SHTN1: variants seen among roughly 807,000 people sequenced by gnomAD.
SHTN1 encodes the protein shootin-1.
In SHTN1, 42 loss-of-function variants were observed where a neutral mutation model predicts 83.1. The ratio of observed to expected loss-of-function variants is 0.51; its 90% CI spans 0.39 to 0.65. The LOEUF is 0.65. SHTN1 is among the 30% of genes least tolerant of loss of function. The probability of loss-of-function intolerance (pLI) is 0.00; values close to 1 mark genes in which losing one functional copy is unlikely to be tolerated. For missense variants in SHTN1, 622 were observed against 737.8 expected, an observed-to-expected ratio of 0.84 and a Z score of 1.82; for synonymous variants, 224 against 247.7, an observed-to-expected ratio of 0.90 and a Z score of 0.90.
At chr10:117,091,733 T>C (rs1328063531) in intron 1 of SHTN1, among the ~76,000 whole-genome samples, 4 of 152,190 alleles carry the variant, frequency 2.6e-5, no homozygotes, top group Non-Finnish European at 5.9e-5. Context: ...TGGGAAAATA[T>C]GGTCCCTTGC....
chr10:117,121,200 T>C (rs532464206), intron 1 of SHTN1, among the ~76,000 whole-genome samples: 1 of 152,304 alleles, frequency 6.6e-6, no homozygotes, highest in East Asian at 1.9e-4. Flanking sequence ...AAAAAGATAT[T>C]ATGAAGATCA....
chr10:117,063,973 A>T (rs1852936051), intron 1 of SHTN1, among the ~76,000 whole-genome samples: 1 of 152,238 alleles, frequency 6.6e-6, no homozygotes, highest in South Asian at 2.1e-4. Context: ...AAATAAAAAA[A>T]GTAACACCAA....
intron 1 of SHTN1, among the ~76,000 whole-genome samples, chr10:117,002,334 TG>T (rs1490602797): frequency 2.6e-5 from 4 of 152,198 alleles, no homozygotes; most frequent in African/African-American, 9.6e-5. Context: ...ACACCCCTAG[TG>T]CCTACCACAT....
chr10:116,982,962 CAAA>C (rs534195833), intron 1 of SHTN1, among the ~76,000 whole-genome samples: 1 of 138,088 alleles, frequency 7.2e-6, no homozygotes. Flanking sequence ...GACTCTGTCT[CAAA>C]AAAAAAAAAG....
At chr10:116,915,238 G>A in intron 13 of SHTN1, 137 bp downstream of exon 13, 1 of 602,540 alleles carries the variant, frequency 1.7e-6, no homozygotes, top group South Asian at 2.3e-5. Context: ...TTATGTGGAA[G>A]TAAAAGCTTT....
At chr10:117,049,106 C>G (rs1852707119) in intron 1 of SHTN1, among the ~76,000 whole-genome samples, 1 of 152,272 alleles carries the variant, frequency 6.6e-6, no homozygotes, top group East Asian at 1.9e-4. Context: ...AGGTGCTACT[C>G]CATTATGGGC....
chr10:117,077,854 A>G (rs1163825114), intron 1 of SHTN1, among the ~76,000 whole-genome samples: 1 of 152,180 alleles, frequency 6.6e-6, no homozygotes, highest in Non-Finnish European at 1.5e-5. Context: ...GCAAGCCTCC[A>G]CTTTGGATGA....
chr10:117,039,488 A>G (rs1400290540), intron 2 of SHTN1, among the ~76,000 whole-genome samples: 1 of 152,206 alleles, frequency 6.6e-6, no homozygotes, highest in Non-Finnish European at 1.5e-5. Flanking sequence ...ACTATGGGTG[A>G]TAATGATATA....
intron 9 of SHTN1, 29 bp from the exon 10 acceptor site, chr10:116,930,031 T>C (rs1254096593): frequency 4.8e-6 from 7 of 1,445,544 alleles, no homozygotes; most frequent in Non-Finnish European, 6.5e-6. Flanking sequence ...AAAAAGACTT[T>C]TATGGCTGAC....
chr10:117,005,219 C>T (rs534257197), upstream of SHTN1: 1 of 1,507,628 alleles, frequency 6.6e-7, no homozygotes, highest in African/African-American at 1.4e-5. Context: ...CCTCCTCCTC[C>T]TGGCGCGGAG....
chr10:117,015,888 T>C (rs1481854106), intron 2 of SHTN1, among the ~76,000 whole-genome samples: 3 of 152,246 alleles, frequency 2.0e-5, no homozygotes, highest in Admixed American at 1.3e-4. Context: ...TTTCACGGTA[T>C]TGTTCTTCAA....
At chr10:116,979,770 T>G (rs1850947681) in intron 1 of SHTN1, among the ~76,000 whole-genome samples, 1 of 152,204 alleles carries the variant, frequency 6.6e-6, no homozygotes, top group Admixed American at 6.5e-5. Flanking sequence ...TCCCTGAAGT[T>G]CCTCCCAGCA....
intron 1 of SHTN1, among the ~76,000 whole-genome samples, chr10:117,086,713 CAT>C (rs1853357834): frequency 1.3e-5 from 2 of 152,170 alleles, no homozygotes; most frequent in African/African-American, 4.8e-5. Flanking sequence ...AAAAGTTAAA[CAT>C]AGAATTATCA....
At chr10:117,022,194 G>C (rs1416385533) in intron 2 of SHTN1, among the ~76,000 whole-genome samples, 2 of 151,972 alleles carry the variant, frequency 1.3e-5, no homozygotes, top group Non-Finnish European at 2.9e-5. Flanking sequence ...AAAAATAAAA[G>C]GAACAAACTA....
At chr10:116,900,573 C>A (rs1311740255) in intron 16 of SHTN1, 2 of 1,533,126 alleles carry the variant, frequency 1.3e-6, no homozygotes, top group South Asian at 1.2e-5. Context: ...AAAATCTATA[C>A]ACACACACTG....
At chr10:117,027,943 C>T (rs1852354217) in intron 2 of SHTN1, among the ~76,000 whole-genome samples, 2 of 152,120 alleles carry the variant, frequency 1.3e-5, no homozygotes, top group African/African-American at 2.4e-5. Flanking sequence ...TTGGAGGGCT[C>T]AGAAGAAGAC....
chr10:116,981,307 C>T (rs550680859), intron 1 of SHTN1, among the ~76,000 whole-genome samples: 7 of 152,176 alleles, frequency 4.6e-5, no homozygotes, highest in Non-Finnish European at 7.4e-5. Context: ...GGCGACAGAG[C>T]GAGACTCTGT....
intron 2 of SHTN1, among the ~76,000 whole-genome samples, chr10:116,977,395 G>A (rs1479029679): frequency 1.3e-5 from 2 of 152,056 alleles, no homozygotes. Flanking sequence ...GAGCAGCTAC[G>A]AAAGAGACTC....
chr10:117,116,852 C>A (rs1333825599), intron 1 of SHTN1, among the ~76,000 whole-genome samples: 5 of 151,978 alleles, frequency 3.3e-5, no homozygotes, highest in Non-Finnish European at 7.4e-5. Context: ...TTAAATAAAA[C>A]CAACATTCCT....
Sources: allele counts gnomAD v4.1 joint callset (sites outside exome capture counted in the v4.1 genomes callset), GRCh38; gene constraint gnomAD v4.1.1; transcripts MANE v1.5; gene names NCBI Gene and HGNC (gene_info 2026-07-23, HGNC 2026-07-21).